QTGAL: variants seen among roughly 807,000 people sequenced by gnomAD.
The protein encoded by QTGAL is queuosine-tRNA galactosyltransferase.
the QTGAL span, among the ~76,000 whole-genome samples, chr17:82,984,101 A>G: frequency 1.9e-5 from 2 of 104,670 alleles, no homozygotes; most frequent in Non-Finnish European, 3.8e-5. Flanking sequence ...CACGGGGGAG[A>G]GATCATGTGA....
At chr17:82,961,823 T>C in the QTGAL span, among the ~76,000 whole-genome samples, 1 of 152,260 alleles carries the variant, frequency 6.6e-6, no homozygotes, top group Non-Finnish European at 1.5e-5. Context: ...CAGACTTTTC[T>C]GTCCTGTGAG....
At chr17:83,039,513 G>A in the QTGAL span, among the ~76,000 whole-genome samples, 2 of 118,704 alleles carry the variant, frequency 1.7e-5, no homozygotes, top group East Asian at 2.5e-4. Flanking sequence ...ACTGCTGGGC[G>A]CCCGCCGCCC....
At chr17:83,022,801 G>C in the QTGAL span, among the ~76,000 whole-genome samples, 1 of 15,128 alleles carries the variant, frequency 6.6e-5, no homozygotes. Context: ...ACTGTCCCCG[G>C]CCCACCTGCA....
At chr17:82,988,925 A>G in the QTGAL span, among the ~76,000 whole-genome samples, 4 of 152,228 alleles carry the variant, frequency 2.6e-5, no homozygotes, top group African/African-American at 9.6e-5. Flanking sequence ...TAGTCCAACC[A>G]TTGTGTAAGA....
chr17:83,010,554 G>C, the QTGAL span, among the ~76,000 whole-genome samples: 1 of 152,272 alleles, frequency 6.6e-6, no homozygotes, highest in Admixed American at 6.5e-5. Context: ...GCTGGGGGCC[G>C]TGGCCCTCCC....
At chr17:82,958,280 C>A in the QTGAL span, among the ~76,000 whole-genome samples, 1 of 152,200 alleles carries the variant, frequency 6.6e-6, no homozygotes, top group Non-Finnish European at 1.5e-5. Context: ...TGCTGTCCTC[C>A]CCAATGGCCG....
chr17:82,972,229 C>G, the QTGAL span, among the ~76,000 whole-genome samples: 20 of 88,718 alleles, frequency 2.3e-4, no homozygotes, highest in South Asian at 5.1e-4. Flanking sequence ...GCCGACCACA[C>G]CACACTCATA....
At chr17:83,029,361 T>C in the QTGAL span, among the ~76,000 whole-genome samples, 1 of 152,090 alleles carries the variant, frequency 6.6e-6, no homozygotes, top group Non-Finnish European at 1.5e-5. Context: ...AGAACTGAAG[T>C]TAAATTTTTT....
chr17:83,026,810 A>G, the QTGAL span, among the ~76,000 whole-genome samples: 124 of 90,684 alleles, frequency 1.4e-3, no homozygotes, highest in African/African-American at 4.2e-3. Flanking sequence ...CGACAGACAC[A>G]CAGAGCAGGG....
the QTGAL span, among the ~76,000 whole-genome samples, chr17:82,962,651 G>A: frequency 0.088 from 10,827 of 123,284 alleles, 605 homozygotes; most frequent in Middle Eastern, 0.12. Flanking sequence ...TGGTGGACAC[G>A]GACCCTCGCA....
At chr17:83,035,023 A>G in the QTGAL span, 236 of 1,583,240 alleles carry the variant, frequency 1.5e-4, 2 homozygotes, top group South Asian at 2.0e-3. Context: ...TAAACAAAAG[A>G]AAGTTACTTA....
the QTGAL span, among the ~76,000 whole-genome samples, chr17:82,984,702 G>GT: frequency 3.5e-3 from 528 of 152,224 alleles, 4 homozygotes; most frequent in African/African-American, 0.012. Flanking sequence ...GAACACAAAT[G>GT]TCTGTTGTTT....
At chr17:82,969,036 A>C in the QTGAL span, among the ~76,000 whole-genome samples, 1 of 151,488 alleles carries the variant, frequency 6.6e-6, no homozygotes, top group South Asian at 2.1e-4. Context: ...CTGGAGGCTG[A>C]GGCAGGAGAA....
the QTGAL span, among the ~76,000 whole-genome samples, chr17:82,995,752 A>G: frequency 0.012 from 1,849 of 152,364 alleles, 43 homozygotes; most frequent in African/African-American, 0.042. Flanking sequence ...TCTCATTTAC[A>G]ATAGCTACAA....
At chr17:83,019,375 C>A in the QTGAL span, among the ~76,000 whole-genome samples, 1 of 152,140 alleles carries the variant, frequency 6.6e-6, no homozygotes, top group African/African-American at 2.4e-5. Context: ...CAAATTATCA[C>A]GCACAAAATA....
chr17:83,020,658 G>C, the QTGAL span, among the ~76,000 whole-genome samples: 2 of 152,202 alleles, frequency 1.3e-5, no homozygotes, highest in African/African-American at 4.8e-5. Flanking sequence ...CCCCAGGGGA[G>C]GTGATGGCCA....
the QTGAL span, among the ~76,000 whole-genome samples, chr17:82,984,380 T>G: frequency 7.3e-6 from 1 of 137,094 alleles, no homozygotes; most frequent in Non-Finnish European, 1.6e-5. Context: ...GGCCACGTGA[T>G]TATGCAGGGG....
chr17:83,044,814 C>T, the QTGAL span, among the ~76,000 whole-genome samples: 5 of 152,156 alleles, frequency 3.3e-5, no homozygotes, highest in East Asian at 5.8e-4. Flanking sequence ...GTTGTGGTGG[C>T]GCACGCCTGT....
the QTGAL span, among the ~76,000 whole-genome samples, chr17:82,960,130 G>A: frequency 1.3e-5 from 2 of 152,166 alleles, no homozygotes; most frequent in African/African-American, 4.8e-5. Flanking sequence ...GAGCGCGGAC[G>A]CGGGAGGCCC....
Sources: allele counts gnomAD v4.1 joint callset (sites outside exome capture counted in the v4.1 genomes callset), GRCh38; gene constraint gnomAD v4.1.1; transcripts MANE v1.5; gene names NCBI Gene and HGNC (gene_info 2026-07-23, HGNC 2026-07-21).